G3BP2: variants seen among roughly 807,000 people sequenced by gnomAD.
The protein encoded by G3BP2 is ras GTPase-activating protein-binding protein 2.
Under a neutral mutation model 56.7 loss-of-function variants are expected in G3BP2, and 11 were observed. The observed-to-expected ratio is 0.19, with a 90% CI of 0.12 to 0.32. The LOEUF is 0.32. Among genes scored for constraint, G3BP2 ranks in the 10% least tolerant of loss-of-function variants. The pLI is 1.00. For missense variants in G3BP2, 340 were observed against 610.9 expected (o/e 0.56, Z 4.67); for synonymous variants, 165 against 191.6 (o/e 0.86, Z 1.15).
chr4:75,688,390 C>T (rs567079521), intron 3 of G3BP2, among the ~76,000 whole-genome samples: 17 of 152,118 alleles, frequency 1.1e-4, no homozygotes, highest in Non-Finnish European at 2.1e-4. Flanking sequence ...GAAGTAGTAT[C>T]CAGTGAAGGG....
At chr4:75,676,267 A>T (rs1438953165), upstream of G3BP2, among the ~76,000 whole-genome samples, 1 of 151,058 alleles carries the variant, frequency 6.6e-6, no homozygotes, top group Non-Finnish European at 1.5e-5. Context: ...TGTGAACGGT[A>T]TTCATTCGGT....
chr4:75,722,327 A>G (rs1257902298), intron 1 of G3BP2, among the ~76,000 whole-genome samples: 1 of 152,224 alleles, frequency 6.6e-6, no homozygotes. Context: ...ATAGTAACCT[A>G]CTTTACTCAC....
chr4:75,703,608 C>T (rs756883807), intron 3 of G3BP2, among the ~76,000 whole-genome samples: 1 of 152,112 alleles, frequency 6.6e-6, no homozygotes, highest in Non-Finnish European at 1.5e-5. Flanking sequence ...TTGAGGTCCC[C>T]TCAGCTGGGG....
At chr4:75,657,281 CTATTT>C (rs1343161244) in intron 4 of G3BP2, among the ~76,000 whole-genome samples, 1 of 152,158 alleles carries the variant, frequency 6.6e-6, no homozygotes, top group Non-Finnish European at 1.5e-5. Flanking sequence ...AAGAACTCTT[CTATTT>C]TGTTTTCAAA....
At chr4:75,717,749 G>T (rs1039288257) in intron 3 of G3BP2, among the ~76,000 whole-genome samples, 1 of 152,154 alleles carries the variant, frequency 6.6e-6, no homozygotes, top group South Asian at 2.1e-4. Context: ...GGTGTTGGGG[G>T]AGAGACAATG....
upstream of G3BP2, chr4:75,673,603 C>G (rs540556898): frequency 2.0e-5 from 25 of 1,231,618 alleles, no homozygotes; most frequent in East Asian, 4.4e-4. Context: ...GCCGGGGAAC[C>G]GGAACCGGCC....
At chr4:75,717,030 C>G (rs1719956278) in intron 3 of G3BP2, among the ~76,000 whole-genome samples, 1 of 152,200 alleles carries the variant, frequency 6.6e-6, no homozygotes, top group East Asian at 1.9e-4. Flanking sequence ...AACCACCTGC[C>G]TATGCCAGTT....
chr4:75,679,819 GC>G, intron 3 of G3BP2, among the ~76,000 whole-genome samples: 1 of 152,278 alleles, frequency 6.6e-6, no homozygotes, highest in East Asian at 1.9e-4. Flanking sequence ...AAGCCATGAT[GC>G]CAGCTAAAAG....
At chr4:75,710,133 C>T (rs1396122644) in intron 3 of G3BP2, among the ~76,000 whole-genome samples, 2 of 152,092 alleles carry the variant, frequency 1.3e-5, no homozygotes, top group East Asian at 3.9e-4. Flanking sequence ...GTTTGGACTG[C>T]TTTATTTTTT....
chr4:75,687,076 A>G (rs926597683), intron 3 of G3BP2, among the ~76,000 whole-genome samples: 1 of 152,134 alleles, frequency 6.6e-6, no homozygotes, highest in African/African-American at 2.4e-5. Context: ...ATACATGCAT[A>G]CATACATACC....
intron 7 of G3BP2, among the ~76,000 whole-genome samples, chr4:75,654,613 C>T (rs1397487973): frequency 6.6e-6 from 1 of 152,202 alleles, no homozygotes; most frequent in Non-Finnish European, 1.5e-5. Context: ...AAGGATGTCA[C>T]TCATCTTTCC....
intron 1 of G3BP2, among the ~76,000 whole-genome samples, chr4:75,665,626 AAC>A (rs33922717): frequency 0.77 from 109,953 of 142,572 alleles, 40,886 homozygotes; most frequent in African/African-American, 0.87. Flanking sequence ...CAAACACACA[AAC>A]ACACACACAC....
chr4:75,664,898 T>C (rs1732877526), intron 1 of G3BP2, among the ~76,000 whole-genome samples: 1 of 152,084 alleles, frequency 6.6e-6, no homozygotes, highest in African/African-American at 2.4e-5. Flanking sequence ...GGATCATGCC[T>C]GTAATCCCAG....
intron 3 of G3BP2, among the ~76,000 whole-genome samples, chr4:75,711,739 T>C (rs1028891656): frequency 3.3e-5 from 5 of 151,278 alleles, no homozygotes; most frequent in African/African-American, 9.7e-5. Flanking sequence ...TAATATAATA[T>C]AAAGGAAAGG....
In G3BP2 at chr4:75,642,858, C is replaced by T. The variant is rs1236079731; in HGVS notation, c.*2572G>A. 2.0e-5 allele frequency: 3 copies of T among 152,510 alleles called. No individual in the cohort carries two copies. The highest frequency in any genetic ancestry group is 7.2e-5 in the African/African-American group (3 of 41,428). 9.4% of individuals were successfully genotyped at this position (152,510 alleles called of 1,614,324 possible). ...AATATGGAAACTCAAAGAATACTTT[C>T]CACCTGAAACAATTAAACTAGATTC... On this transcript the variant is annotated 3_prime_UTR_variant, in exon 12 of 12. Transcript: ENST00000359707.
At chr4:75,656,816 C>T (rs1401105429) in intron 5 of G3BP2, 108 bp downstream of exon 5, 1 of 674,714 alleles carries the variant, frequency 1.5e-6, no homozygotes, top group African/African-American at 1.9e-5. Flanking sequence ...ATGTTTGACA[C>T]AGTTACAATA....
At chr4:75,709,298 T>C (rs1031810928) in intron 3 of G3BP2, among the ~76,000 whole-genome samples, 3 of 150,906 alleles carry the variant, frequency 2.0e-5, no homozygotes, top group African/African-American at 4.9e-5. Flanking sequence ...TTGGCCCCTG[T>C]AATCTCAGCT....
chr4:75,652,536 C>T (rs929478162), intron 8 of G3BP2, among the ~76,000 whole-genome samples: 3 of 152,124 alleles, frequency 2.0e-5, no homozygotes, highest in African/African-American at 7.2e-5. Context: ...GCAGGAGAAT[C>T]ACTTGAGCTG....
intron 3 of G3BP2, among the ~76,000 whole-genome samples, chr4:75,680,420 C>T (rs1734027487): frequency 6.6e-6 from 1 of 152,176 alleles, no homozygotes; most frequent in Non-Finnish European, 1.5e-5. Context: ...ATTCCTCTGA[C>T]CTTGACTTTC....
Sources: gnomAD v4.1 joint callset for allele counts (sites outside exome capture counted in the v4.1 genomes callset) on GRCh38, gnomAD v4.1.1 for gene constraint, MANE v1.5 for transcripts, NCBI Gene and HGNC (gene_info 2026-07-23, HGNC 2026-07-21) for gene names.